The following ZNF831 variants were observed in gnomAD, a reference collection of about 807,000 sequenced individuals.
ZNF831 encodes the protein chromosome 20 open reading frame 174.
Under a neutral mutation model 95.8 loss-of-function variants are expected in ZNF831, and 59 were observed. The observed-to-expected ratio is 0.62, with a 90% CI of 0.50 to 0.77. ZNF831 has a LOEUF of 0.77. ZNF831 is among the 30% of genes least tolerant of loss of function. The probability of loss-of-function intolerance (pLI) is 0.00; values close to 1 mark genes in which losing one functional copy is unlikely to be tolerated. For synonymous variants in ZNF831, 961 were observed against 925.5 expected, an observed-to-expected ratio of 1.04 and a Z score of -0.70; for missense variants, 2,205 against 2,164.0, an observed-to-expected ratio of 1.02 and a Z score of -0.38.
chr20:59,134,081 C>T (rs1303364946), intron 1 of ZNF831, among the ~76,000 whole-genome samples: 1 of 152,218 alleles, frequency 6.6e-6, no homozygotes, highest in African/African-American at 2.4e-5. Context: ...GGTCAGCTTC[C>T]TGCTGGCTTC....
At position 59,165,782 on chromosome 20, in the gene ZNF831, C is replaced by T. The variant is rs572293771; in HGVS notation, c.-37+1575C>T. 3.4e-4 allele frequency among the ~76,000 whole-genome samples: 52 copies of T among 151,920 alleles called. 1 individual carries two copies. Among genetic ancestry groups the T allele is most frequent in the South Asian group, 8.3e-4 (4 of 4,802 alleles). ...TTTTTCTTTTTTGGAGCTGTAATCT[C>T]GCTCTGTCACCCAGGTTGGAGTGCA... is the stretch of plus-strand genomic sequence containing the variant. On this transcript the variant is annotated intron_variant, in intron 1 of 5. Transcript: ENST00000371030.
At chr20:59,188,656 C>CAATAAATAAATAAATA (rs57692294) in intron 1 of ZNF831, among the ~76,000 whole-genome samples, 4 of 149,234 alleles carry the variant, frequency 2.7e-5, no homozygotes, top group East Asian at 2.0e-4. Flanking sequence ...GACTCCATCT[C>CAATAAATAAATAAATA]AATAAATAAA....
intron 3 of ZNF831, among the ~76,000 whole-genome samples, chr20:59,196,580 C>T (rs934461365): frequency 3.9e-5 from 6 of 152,118 alleles, no homozygotes; most frequent in African/African-American, 7.2e-5. Flanking sequence ...TCAGGCTGCC[C>T]GTTGCATACA....
chr20:59,175,846 G>A (rs1014915364), intron 1 of ZNF831, among the ~76,000 whole-genome samples: 5 of 152,194 alleles, frequency 3.3e-5, no homozygotes, highest in Middle Eastern at 3.2e-3. Flanking sequence ...GGGCATTATG[G>A]TATGAGAGTC....
chr20:59,223,769 C>T (rs1282513149), intron 4 of ZNF831, among the ~76,000 whole-genome samples: 1 of 152,242 alleles, frequency 6.6e-6, no homozygotes. Context: ...GAAGGCAGAA[C>T]CCAGATTTCA....
chr20:59,151,200 G>A (rs574690863), intron 2 of ZNF831, among the ~76,000 whole-genome samples: 4 of 152,222 alleles, frequency 2.6e-5, no homozygotes, highest in African/African-American at 9.6e-5. Flanking sequence ...AGGCTGGAGG[G>A]GGTGTGTTGA....
chr20:59,225,569 C>T (rs1237540336), intron 4 of ZNF831, among the ~76,000 whole-genome samples: 1 of 152,220 alleles, frequency 6.6e-6, no homozygotes, highest in East Asian at 1.9e-4. Flanking sequence ...CTTCTTTCAT[C>T]AGAGTCATGA....
chr20:59,229,037 C>T (rs1352515386), intron 4 of ZNF831, among the ~76,000 whole-genome samples: 1 of 152,192 alleles, frequency 6.6e-6, no homozygotes, highest in African/African-American at 2.4e-5. Context: ...TTTAGTCTCA[C>T]GTGAGTGAGA....
chr20:59,192,919 A>C lies in ZNF831; in HGVS notation c.1900A>C (p.Lys634Gln). The change falls in exon 2 of 6, where the codon AAA becomes CAA. Residue 634 changes from lysine (K) to glutamine (Q), a missense_variant. Coordinates refer to ENST00000371030, the MANE Select transcript of ZNF831 (RefSeq NM_178457.3). This position sits in a 1 kb window ranked among gnomAD's most constrained non-coding sequence, Gnocchi z 5.2. ...TGAGACGTTCAAAAGGATCTACCAG[A>C]AAATGAAAGCCAGTCCCCATGGAGG... ...GDETFKRIYQ[K>Q]MKASPHGGKK... 1 of 1,600,348 alleles carries C rather than the reference A, an allele frequency of 6.2e-7. No homozygotes were observed. Among genetic ancestry groups the C allele is most frequent in the Non-Finnish European group, 8.5e-7 (1 of 1,173,920 alleles).
At chr20:59,151,943 G>A (rs1227850342) in intron 2 of ZNF831, among the ~76,000 whole-genome samples, 5 of 152,152 alleles carry the variant, frequency 3.3e-5, no homozygotes, top group Admixed American at 6.5e-5. Flanking sequence ...TGGTGTGGGG[G>A]CCATATAGCC....
chr20:59,170,463 A>C (rs1981636553), intron 1 of ZNF831, among the ~76,000 whole-genome samples: 2 of 152,272 alleles, frequency 1.3e-5, no homozygotes, highest in East Asian at 3.9e-4. Context: ...TCTGTTGTTG[A>C]TTCATAGTTT....
intron 1 of ZNF831, among the ~76,000 whole-genome samples, chr20:59,170,672 A>G (rs138104008): frequency 6.6e-6 from 1 of 152,230 alleles, no homozygotes; most frequent in South Asian, 2.1e-4. Flanking sequence ...ACTATAAGAC[A>G]TAAGGGAACT....
intron 1 of ZNF831, among the ~76,000 whole-genome samples, chr20:59,180,735 T>C (rs1296014132): frequency 6.6e-6 from 1 of 152,258 alleles, no homozygotes; most frequent in Non-Finnish European, 1.5e-5. Flanking sequence ...TACTATTCCA[T>C]GGTGTATATG....
In ZNF831 at chr20:59,193,126, T is replaced by C. The variant is rs2146577546; in HGVS notation, c.2107T>C (p.Leu703=). The C allele has an allele frequency of 6.3e-7, 1 of 1,582,918 alleles. No individual in the cohort carries two copies. The highest frequency in any genetic ancestry group is 8.6e-7 in the Non-Finnish European group (1 of 1,164,234). Residue 703 remains leucine (L), a synonymous_variant, in exon 2 of 6, where the codon TTG becomes CTG. Coordinates refer to ENST00000371030, the MANE Select transcript of ZNF831 (RefSeq NM_178457.3). ...AAATCCACCAGCCCTGGAGGCCTCC[T>C]TGGTGACTGAACCCACTAAGCATGG... ...WGNPPALEAS[L]VTEPTKHGET... is the part of the protein sequence containing the mutation.
intron 4 of ZNF831, among the ~76,000 whole-genome samples, chr20:59,252,670 A>G (rs1466522614): frequency 6.6e-6 from 1 of 152,232 alleles, no homozygotes; most frequent in Non-Finnish European, 1.5e-5. Context: ...CTAAACAGAC[A>G]TGACCAGGAA....
intron 4 of ZNF831, 45 bp downstream of exon 4, chr20:59,207,101 C>T (rs1249196992): frequency 4.4e-6 from 7 of 1,600,448 alleles, no homozygotes; most frequent in Admixed American, 1.7e-5. Context: ...CACTCGAAGG[C>T]ACCCGCCCAA....
chr20:59,253,861 C>CT (rs766365572), intron 5 of ZNF831, 37 bp from the exon 6 acceptor site: 14 of 1,066,158 alleles, frequency 1.3e-5, no homozygotes, highest in African/African-American at 5.8e-5. Flanking sequence ...AATTAACCTC[C>CT]CCCCCCACTT....
chr20:59,203,780 G>A (rs1389513786), intron 3 of ZNF831, among the ~76,000 whole-genome samples: 1 of 152,044 alleles, frequency 6.6e-6, no homozygotes, highest in Admixed American at 6.5e-5. Context: ...AACTACATGA[G>A]TTAAAGAAGA....
At position 59,241,478 on chromosome 20, in the gene ZNF831, C is replaced by G. The variant is rs369086467; in HGVS notation, c.4028-11500C>G. On this transcript the variant is annotated intron_variant, in intron 4 of 5. Transcript: ENST00000371030. Reference sequence around the variant, plus strand: ...AGTTGAAAGTATTTCGGTGACCCCACAGTCCACCCGGTTGAGCTGCTTTTA... The same window carrying G: ...AGTTGAAAGTATTTCGGTGACCCCAGAGTCCACCCGGTTGAGCTGCTTTTA... Among the ~76,000 whole-genome samples the G allele has an allele frequency of 3.9e-5, 6 of 152,300 alleles. No homozygotes were observed. The South Asian group carries it at 1.0e-3, about 26-fold the overall frequency.
Sources: allele counts gnomAD v4.1 joint callset (sites outside exome capture counted in the v4.1 genomes callset), GRCh38; gene constraint gnomAD v4.1.1; non-coding constraint Gnocchi (gnomAD v3.1); transcripts MANE v1.5; gene names NCBI Gene and HGNC (gene_info 2026-07-23, HGNC 2026-07-21).